POLD3: variants seen among roughly 807,000 people sequenced by gnomAD.
POLD3 encodes the protein DNA polymerase delta 3, accessory subunit, also known as DNA polymerase delta subunit 3.
In POLD3, 19 loss-of-function variants were observed where a neutral mutation model predicts 58.2. That is an observed-to-expected ratio of 0.33 (90% CI 0.23 to 0.48). The LOEUF (loss-of-function observed/expected upper bound fraction) is 0.48, where lower values mean the gene tolerates loss of function less well. Among genes scored for constraint, POLD3 ranks in the 20% least tolerant of loss-of-function variants. The pLI is 0.99. For synonymous variants in POLD3, 172 were observed against 193.5 expected (o/e 0.89, Z 0.92); for missense variants, 504 against 545.5 (o/e 0.92, Z 0.76).
intron 1 of POLD3, 48 bp from the exon 2 acceptor site, chr11:74,594,013 C>G (rs1377960077): frequency 2.0e-6 from 2 of 982,504 alleles, no homozygotes; most frequent in South Asian, 1.3e-5. Flanking sequence ...CTGATGTGCA[C>G]TCTGGAGTCA....
intron 2 of POLD3, among the ~76,000 whole-genome samples, chr11:74,597,051 A>G (rs1481883082): frequency 1.3e-5 from 2 of 152,258 alleles, no homozygotes; most frequent in East Asian, 1.9e-4. Flanking sequence ...TAGTGCTGCA[A>G]TAAACATGTG....
At chr11:74,621,481 T>C (rs1037878373) in intron 7 of POLD3, among the ~76,000 whole-genome samples, 7 of 137,242 alleles carry the variant, frequency 5.1e-5, no homozygotes, top group African/African-American at 1.9e-4. Context: ...GCCAAAAAGG[T>C]TGGGGACTGC....
At chr11:74,629,746 G>A (rs2032538397) in intron 9 of POLD3, among the ~76,000 whole-genome samples, 1 of 152,012 alleles carries the variant, frequency 6.6e-6, no homozygotes, top group Non-Finnish European at 1.5e-5. Context: ...ATTGTTAGAA[G>A]GGAATGACAC....
chr11:74,610,105 C>A (rs1230398049), intron 3 of POLD3, among the ~76,000 whole-genome samples: 1 of 152,094 alleles, frequency 6.6e-6, no homozygotes, highest in Non-Finnish European at 1.5e-5. Flanking sequence ...TTCCCACCAA[C>A]AATGTATGAG....
Position 74,642,831 on chromosome 11 carries a change from T to G in POLD3, c.*2065T>G. The G allele has an allele frequency of 1.0e-6, 1 of 985,354 alleles. No homozygotes were observed. The highest frequency in any genetic ancestry group is 1.2e-6 in the Non-Finnish European group (1 of 829,846). The allele number at this position is 985,354 out of a possible 1,614,324, so 61.0% of individuals were successfully genotyped here. On this transcript the variant is annotated 3_prime_UTR_variant, in exon 12 of 12. Transcript: ENST00000263681. ...AAGAAGGCTGGTTTTCAGTTGATATTGTTAAAACTGCATACCCACAGTCTG... is the reference window on the plus strand; with the variant it reads ...AAGAAGGCTGGTTTTCAGTTGATATGGTTAAAACTGCATACCCACAGTCTG...
At chr11:74,667,593 T>A (rs72989304) in intron 4 of POLD3, among the ~76,000 whole-genome samples, 1,686 of 151,202 alleles carry the variant, frequency 0.011, 20 homozygotes, top group Non-Finnish European at 0.017. Context: ...AAATAAAATT[T>A]AAAAATTTAG....
intron 11 of POLD3, among the ~76,000 whole-genome samples, chr11:74,639,722 T>C (rs1486302795): frequency 6.6e-6 from 1 of 152,262 alleles, no homozygotes; most frequent in African/African-American, 2.4e-5. Flanking sequence ...TTGCTCATAA[T>C]GACTGCTTAC....
intron 4 of POLD3, among the ~76,000 whole-genome samples, chr11:74,658,682 G>A (rs529844624): frequency 6.6e-6 from 1 of 152,298 alleles, no homozygotes; most frequent in African/African-American, 2.4e-5. Context: ...TTGCAAGTCC[G>A]AAATCCAGCA....
At chr11:74,630,348 A>G (rs1227943271) in intron 9 of POLD3, among the ~76,000 whole-genome samples, 1 of 152,216 alleles carries the variant, frequency 6.6e-6, no homozygotes, top group Admixed American at 6.5e-5. Context: ...AATTATATAT[A>G]CAGTTGACAG....
intron 4 of POLD3, among the ~76,000 whole-genome samples, chr11:74,650,692 C>T (rs914614156): frequency 6.6e-6 from 1 of 152,210 alleles, no homozygotes; most frequent in South Asian, 2.1e-4. Context: ...GACCAGCCAA[C>T]TCCAACCCTC....
At chr11:74,666,358 C>T (rs993368083) in intron 4 of POLD3, among the ~76,000 whole-genome samples, 4 of 152,190 alleles carry the variant, frequency 2.6e-5, no homozygotes, top group South Asian at 2.1e-4. Context: ...CAGTGGCTCA[C>T]GCCTGTAATC....
intron 10 of POLD3, among the ~76,000 whole-genome samples, 190 bp from the exon 11 acceptor site, chr11:74,636,007 C>T (rs2032738661): frequency 6.6e-6 from 1 of 152,186 alleles, no homozygotes; most frequent in South Asian, 2.1e-4. Context: ...AAGTATCAAG[C>T]CTGTGTATAT....
chr11:74,603,059 A>G (rs889630806), intron 2 of POLD3, among the ~76,000 whole-genome samples: 8 of 152,192 alleles, frequency 5.3e-5, no homozygotes, highest in African/African-American at 1.9e-4. Context: ...ATCTGAGATT[A>G]TATATTATAT....
chr11:74,620,097 T>G lies in POLD3; in HGVS notation c.733+8T>G, dbSNP rs765212075. ...TTGGAAAAGCTGCTATGAGTAAGCA[T>G]GTTCTTACCTCACTTTGACTAACGA... On this transcript the variant is annotated splice_region_variant and intron_variant, in intron 7 of 11. Transcript: ENST00000263681. 47 of 1,581,726 alleles carry G rather than the reference T, an allele frequency of 3.0e-5. No individual in the cohort carries two copies. The highest frequency in any genetic ancestry group is 3.9e-5 in the Non-Finnish European group (45 of 1,150,560).
intron 4 of POLD3, among the ~76,000 whole-genome samples, chr11:74,666,088 A>ATT (rs2033265123): frequency 6.6e-6 from 1 of 152,266 alleles, no homozygotes. Flanking sequence ...ACAAACATCA[A>ATT]TTATATTTCT....
chr11:74,661,196 C>G (rs973165636), intron 4 of POLD3, among the ~76,000 whole-genome samples: 8 of 152,194 alleles, frequency 5.3e-5, no homozygotes, highest in African/African-American at 1.9e-4. Flanking sequence ...GGATTGGTCC[C>G]TGGCACTTTA....
rs1358186068 is a variant in POLD3 at position 74,659,890 on chromosome 11, C to T, written c.370-8887C>T. 2.0e-5 allele frequency among the ~76,000 whole-genome samples: 3 copies of T among 152,232 alleles called. No individual in the cohort carries two copies. In the East Asian group the frequency reaches 5.8e-4, roughly 29 times the overall value. On this transcript the variant is annotated intron_variant, in intron 4 of 4. Coordinates refer to the POLD3 transcript ENST00000524752. ...TGAGCCCTCCAAACTGTTCTAACCTCTGCCGTTACCGAGTTCCAAACTCAC... is the reference window on the plus strand; with the variant it reads ...TGAGCCCTCCAAACTGTTCTAACCTTTGCCGTTACCGAGTTCCAAACTCAC...
At chr11:74,636,803 CTTCCTTTATGT>C (rs1413186446) in intron 11 of POLD3, among the ~76,000 whole-genome samples, 1 of 152,144 alleles carries the variant, frequency 6.6e-6, no homozygotes, top group East Asian at 1.9e-4. Context: ...ATCGAGATTG[CTTCCTTTATGT>C]TTCCTATTTG....
intron 3 of POLD3, among the ~76,000 whole-genome samples, chr11:74,605,431 C>A (rs1294301844): frequency 6.6e-6 from 1 of 152,158 alleles, no homozygotes; most frequent in Non-Finnish European, 1.5e-5. Context: ...GCACAGGGAT[C>A]ATTCTATTAC....
Sources: gnomAD v4.1 joint callset for allele counts (sites outside exome capture counted in the v4.1 genomes callset) on GRCh38, gnomAD v4.1.1 for gene constraint, MANE v1.5 for transcripts, NCBI Gene and HGNC (gene_info 2026-07-23, HGNC 2026-07-21) for gene names.